The following CSMD1 variants were observed in gnomAD, a reference collection of about 807,000 sequenced individuals.
CSMD1 encodes the protein CUB and sushi domain-containing protein 1.
Under a neutral mutation model 417.5 loss-of-function variants are expected in CSMD1, and 213 were observed. That is an observed-to-expected ratio of 0.51 (90% CI 0.46 to 0.57). CSMD1 has a LOEUF of 0.57. CSMD1 is among the 20% of genes least tolerant of loss of function. The probability of loss-of-function intolerance (pLI) is 0.00; values close to 1 mark genes in which losing one functional copy is unlikely to be tolerated. For synonymous variants in CSMD1, 2,862 were observed against 1,736.8 expected, an observed-to-expected ratio of 1.65 and a Z score of -16.11; for missense variants, 6,923 against 4,529.7, an observed-to-expected ratio of 1.53 and a Z score of -15.17.
intron 10 of CSMD1, among the ~76,000 whole-genome samples, chr8:3,559,650 G>T (rs1488551839): frequency 1.3e-5 from 2 of 152,080 alleles, no homozygotes; most frequent in African/African-American, 4.8e-5. Flanking sequence ...GCATTTCAAG[G>T]TCTTCACTTT....
chr8:3,096,965 T>C lies in CSMD1; in HGVS notation c.7022A>G (p.Tyr2341Cys), dbSNP rs1396985768. The change falls in exon 47 of 70, where the codon TAT (tyrosine) becomes TGT (cysteine). Residue 2341 changes from tyrosine (Y) to cysteine (C), a missense_variant. By Grantham distance (194) the Tyr-to-Cys change is radical. Coordinates refer to ENST00000635120, the MANE Select transcript of CSMD1 (RefSeq NM_033225.6). ...CCAAGAGCAAGTCTGGGAGTTAAAA[T>C]AATTACCCGGATACCCTGGACTGAG... The part of the protein sequence containing the change: ...VILSPGYPGN[Y>C]FNSQTCSWSI... The C allele has an allele frequency of 2.6e-6, 4 of 1,555,440 alleles. No homozygotes were observed. Among genetic ancestry groups the C allele is most frequent in the Non-Finnish European group, 3.5e-6 (4 of 1,148,554 alleles).
At chr8:4,216,540 T>C (rs1054119540) in intron 3 of CSMD1, among the ~76,000 whole-genome samples, 3 of 152,164 alleles carry the variant, frequency 2.0e-5, no homozygotes, top group African/African-American at 4.8e-5. Context: ...ATTCTCAAGA[T>C]CAAAGAACCC....
At chr8:3,621,808 C>G (rs1005295583) in intron 7 of CSMD1, among the ~76,000 whole-genome samples, 1 of 151,412 alleles carries the variant, frequency 6.6e-6, no homozygotes, top group Admixed American at 6.6e-5. Context: ...AGGGTTTCAC[C>G]ATATTGCCCA....
intron 5 of CSMD1, among the ~76,000 whole-genome samples, chr8:3,991,746 T>C (rs1242905886): frequency 6.6e-6 from 1 of 152,112 alleles, no homozygotes; most frequent in Non-Finnish European, 1.5e-5. Context: ...AGCGATGAAA[T>C]GTGGTCTCAA....
chr8:3,895,008 T>C (rs1807259831), intron 5 of CSMD1, among the ~76,000 whole-genome samples: 1 of 152,188 alleles, frequency 6.6e-6, no homozygotes, highest in Non-Finnish European at 1.5e-5. Flanking sequence ...TGAAAGCAGC[T>C]TAGTGGAGGC....
At chr8:3,041,049 T>G (rs1353806054) in intron 50 of CSMD1, among the ~76,000 whole-genome samples, 1 of 152,136 alleles carries the variant, frequency 6.6e-6, no homozygotes, top group Non-Finnish European at 1.5e-5. Context: ...TTATCAATAT[T>G]TCTGTACAAG....
At chr8:4,733,370 C>A (rs1810024319) in intron 1 of CSMD1, among the ~76,000 whole-genome samples, 1 of 152,194 alleles carries the variant, frequency 6.6e-6, no homozygotes, top group Non-Finnish European at 1.5e-5. Flanking sequence ...TTTACCCTAG[C>A]AGGTTATAGT....
intron 50 of CSMD1, among the ~76,000 whole-genome samples, chr8:3,047,144 G>A (rs1330925561): frequency 1.3e-5 from 2 of 149,342 alleles, no homozygotes; most frequent in African/African-American, 5.0e-5. Flanking sequence ...GGAGGGGGAG[G>A]TTGCAGTGGA....
chr8:3,588,024 T>A (rs1014559432), intron 8 of CSMD1, among the ~76,000 whole-genome samples: 1 of 152,204 alleles, frequency 6.6e-6, no homozygotes, highest in African/African-American at 2.4e-5. Flanking sequence ...GTAGACATAT[T>A]CTGCCGCCAT....
At chr8:3,061,220 C>G (rs577725182) in intron 49 of CSMD1, among the ~76,000 whole-genome samples, 73 of 152,276 alleles carry the variant, frequency 4.8e-4, no homozygotes, top group Middle Eastern at 3.4e-3. Context: ...CATACCTCCT[C>G]AGCAGGGGTT....
At chr8:4,609,179 T>A (rs1471478370) in intron 2 of CSMD1, among the ~76,000 whole-genome samples, 1 of 152,192 alleles carries the variant, frequency 6.6e-6, no homozygotes, top group Non-Finnish European at 1.5e-5. Flanking sequence ...GTGGGCAGAC[T>A]GCTTCAACTC....
intron 1 of CSMD1, among the ~76,000 whole-genome samples, chr8:4,855,670 G>A (rs976926022): frequency 2.0e-5 from 3 of 152,118 alleles, no homozygotes; most frequent in African/African-American, 4.8e-5. Context: ...ATCAGCGATG[G>A]AAGATGAAAT....
At chr8:3,311,896 G>A (rs1025485925) in intron 23 of CSMD1, among the ~76,000 whole-genome samples, 1 of 152,168 alleles carries the variant, frequency 6.6e-6, no homozygotes, top group Non-Finnish European at 1.5e-5. Flanking sequence ...GTAGTTTATA[G>A]CTATTAATGC....
At chr8:4,511,414 A>C (rs1380673566) in intron 2 of CSMD1, among the ~76,000 whole-genome samples, 1 of 152,098 alleles carries the variant, frequency 6.6e-6, no homozygotes, top group Non-Finnish European at 1.5e-5. Flanking sequence ...GCTGGTTTCT[A>C]TTTTCTGGTT....
intron 6 of CSMD1, among the ~76,000 whole-genome samples, chr8:3,713,422 C>T (rs75343026): frequency 0.028 from 4,307 of 152,170 alleles, 186 homozygotes; most frequent in African/African-American, 0.095. Context: ...TCTTTCTCTG[C>T]CCTCTCTAGC....
At chr8:4,986,496 T>C (rs865910429) in intron 1 of CSMD1, among the ~76,000 whole-genome samples, 3 of 152,342 alleles carry the variant, frequency 2.0e-5, no homozygotes, top group Non-Finnish European at 2.9e-5. Flanking sequence ...CAAAGGTTTT[T>C]CATTCATCAG....
In CSMD1 at chr8:4,859,802, A is replaced by T. The variant is rs1324317962; in HGVS notation, c.85+134530T>A. 2.0e-5 allele frequency among the ~76,000 whole-genome samples: 3 copies of T among 152,140 alleles called. No individual in the cohort carries two copies. The Middle Eastern group carries it at 0.01, about 517-fold the overall frequency. On this transcript the variant is annotated intron_variant, in intron 1 of 69. Transcript: ENST00000635120. ...TGTGGAGAAATAGGAACACTTTGAC[A>T]CTGTTGGTGGGACTGTAAACTAGTT...
intron 5 of CSMD1, among the ~76,000 whole-genome samples, chr8:3,838,922 C>T (rs1350430504): frequency 1.1e-5 from 1 of 94,524 alleles, no homozygotes; most frequent in Admixed American, 1.2e-4. Flanking sequence ...TATGTATAGT[C>T]TCTCTATTTA....
chr8:3,499,180 T>C (rs955961872), intron 10 of CSMD1, among the ~76,000 whole-genome samples: 1 of 152,204 alleles, frequency 6.6e-6, no homozygotes, highest in Non-Finnish European at 1.5e-5. Flanking sequence ...TCTCATAGTG[T>C]CAGTTGGGTA....
Sources: allele counts gnomAD v4.1 joint callset (sites outside exome capture counted in the v4.1 genomes callset), GRCh38; gene constraint gnomAD v4.1.1; transcripts MANE v1.5; gene names NCBI Gene and HGNC (gene_info 2026-07-23, HGNC 2026-07-21).